The following NELL1 variants were observed in gnomAD, a reference collection of about 807,000 sequenced individuals.
NELL1 encodes protein kinase C-binding protein NELL1.
NELL1 carries 76 observed loss-of-function variants against 107.4 expected under a neutral mutation model. That is an observed-to-expected ratio of 0.71 (90% CI 0.59 to 0.86). NELL1 has a LOEUF of 0.86. Ranked by LOEUF, NELL1 falls within the 40% of genes least tolerant of loss-of-function variation. The pLI is 0.00. For missense variants in NELL1, 1,024 were observed against 1,005.5 expected (o/e 1.02, Z -0.25); for synonymous variants, 353 against 341.2 (o/e 1.03, Z -0.38).
chr11:21,314,283 T>C (rs78172717), intron 14 of NELL1, among the ~76,000 whole-genome samples: 103 of 152,146 alleles, frequency 6.8e-4, no homozygotes, highest in African/African-American at 2.4e-3. Context: ...TACTGTTACA[T>C]TGGGGATTAA....
At chr11:21,431,472 G>A (rs935964657) in intron 15 of NELL1, among the ~76,000 whole-genome samples, 2 of 152,084 alleles carry the variant, frequency 1.3e-5, no homozygotes, top group African/African-American at 2.4e-5. Flanking sequence ...CACTTTGTAG[G>A]AGCTCAATAA....
intron 14 of NELL1, among the ~76,000 whole-genome samples, chr11:21,287,670 T>C (rs1849154724): frequency 6.6e-6 from 1 of 152,228 alleles, no homozygotes; most frequent in South Asian, 2.1e-4. Context: ...CTTCATTAGA[T>C]GAATTTCTCC....
intron 16 of NELL1, among the ~76,000 whole-genome samples, chr11:21,552,647 G>C (rs559911335): frequency 6.6e-6 from 1 of 151,744 alleles, no homozygotes; most frequent in Non-Finnish European, 1.5e-5. Context: ...TCAAATTAGG[G>C]GGCAGCCCCA....
chr11:20,916,180 A>C (rs1850251829), intron 5 of NELL1, among the ~76,000 whole-genome samples: 1 of 151,924 alleles, frequency 6.6e-6, no homozygotes, highest in African/African-American at 2.4e-5. Flanking sequence ...AGCATTGGGA[A>C]GCTGTCAGCT....
chr11:21,424,694 G>C (rs1852776466), intron 15 of NELL1, among the ~76,000 whole-genome samples: 1 of 151,928 alleles, frequency 6.6e-6, no homozygotes, highest in Non-Finnish European at 1.5e-5. Context: ...TTGGTAATGA[G>C]GACAAAATGG....
At chr11:21,194,453 C>T (rs1002440326) in intron 13 of NELL1, among the ~76,000 whole-genome samples, 1 of 152,078 alleles carries the variant, frequency 6.6e-6, no homozygotes, top group Non-Finnish European at 1.5e-5. Flanking sequence ...CTGGACCCCC[C>T]CATAGAGATT....
At chr11:21,273,675 G>A (rs1848790396) in intron 14 of NELL1, among the ~76,000 whole-genome samples, 1 of 152,178 alleles carries the variant, frequency 6.6e-6, no homozygotes, top group African/African-American at 2.4e-5. Context: ...TACCCACAAA[G>A]GGAAACCCAT....
At chr11:21,075,516 A>C (rs1357243593) in intron 12 of NELL1, among the ~76,000 whole-genome samples, 1 of 152,140 alleles carries the variant, frequency 6.6e-6, no homozygotes, top group Admixed American at 6.6e-5. Flanking sequence ...CCCAGGCTGG[A>C]GTGCAGTGAT....
chr11:21,526,039 A>G (rs1401199090), intron 15 of NELL1, among the ~76,000 whole-genome samples: 1 of 152,222 alleles, frequency 6.6e-6, no homozygotes, highest in African/African-American at 2.4e-5. Context: ...TCTAAAGTCC[A>G]AAGTCTCATC....
intron 10 of NELL1, among the ~76,000 whole-genome samples, chr11:20,945,907 A>G (rs1168165786): frequency 3.9e-5 from 6 of 152,196 alleles, no homozygotes; most frequent in Non-Finnish European, 8.8e-5. Context: ...GATAGTCAGG[A>G]GAAAGTTAAG....
rs142892679 is a variant in NELL1 at position 21,071,991 on chromosome 11, C to T, written c.1301-41598C>T. 2.9e-3 allele frequency among the ~76,000 whole-genome samples: 435 copies of T among 152,132 alleles called. 1 individual carries two copies. Among genetic ancestry groups the T allele is most frequent in the African/African-American group, 9.6e-3 (398 of 41,514 alleles). ...TGCTGCCCAATTTGGTAGCAGAAGC[C>T]CATGAGAAGCAAAAATTTGGAAGCC... On this transcript the variant is annotated intron_variant, in intron 12 of 19. Transcript: ENST00000357134.
intron 12 of NELL1, among the ~76,000 whole-genome samples, chr11:21,062,370 T>C (rs1945316): frequency 0.011 from 1,700 of 152,322 alleles, 22 homozygotes; most frequent in African/African-American, 0.039. Flanking sequence ...TATATTTCTT[T>C]TGAGTAGTGC....
chr11:21,240,681 T>A (rs939672869), intron 14 of NELL1, among the ~76,000 whole-genome samples: 1 of 150,304 alleles, frequency 6.7e-6, no homozygotes, highest in African/African-American at 2.4e-5. Context: ...AATATATGGA[T>A]TGCGTTCTTT....
chr11:21,177,923 C>T (rs979127836), intron 13 of NELL1, among the ~76,000 whole-genome samples: 1 of 151,642 alleles, frequency 6.6e-6, no homozygotes, highest in African/African-American at 2.4e-5. Context: ...TTTTTTGAAA[C>T]ACTTCTATGC....
chr11:21,534,504 G>A lies in NELL1; in HGVS notation c.1776G>A (p.Glu592=). Residue 592 remains glutamate, a synonymous_variant, in exon 16 of 20, where the codon GAG becomes GAA. Coordinates refer to ENST00000357134, the MANE Select transcript of NELL1 (RefSeq NM_006157.5). ...HDDGTYSLSG[E]SCIDIDECAL... is the part of the protein sequence containing the mutation. ...ATGGGACCTATTCACTGTCCGGGGAGTCCTGTATTGGTAAGCAGCTTTCAG... is the reference window on the plus strand; with the variant it reads ...ATGGGACCTATTCACTGTCCGGGGAATCCTGTATTGGTAAGCAGCTTTCAG... The A allele has an allele frequency of 2.5e-6, 4 of 1,613,754 alleles. No individual in the cohort carries two copies. The highest frequency in any genetic ancestry group is 3.4e-6 in the Non-Finnish European group (4 of 1,179,772).
At chr11:21,357,672 T>A (rs1055116924) in intron 14 of NELL1, among the ~76,000 whole-genome samples, 6 of 152,210 alleles carry the variant, frequency 3.9e-5, no homozygotes, top group African/African-American at 1.4e-4. Flanking sequence ...TATTTATGTT[T>A]GTTATTGTTG....
chr11:20,680,646 T>C (rs1444456475), intron 2 of NELL1, among the ~76,000 whole-genome samples: 1 of 152,120 alleles, frequency 6.6e-6, no homozygotes, highest in Non-Finnish European at 1.5e-5. Context: ...AATTCAGCAG[T>C]GCAAACTCCG....
chr11:21,527,326 C>A (rs1855880681), intron 15 of NELL1, among the ~76,000 whole-genome samples: 1 of 152,138 alleles, frequency 6.6e-6, no homozygotes, highest in Admixed American at 6.5e-5. Flanking sequence ...TTCAAACTTT[C>A]CCGTATCTTC....
At chr11:20,891,026 T>C (rs1849606353) in intron 5 of NELL1, among the ~76,000 whole-genome samples, 1 of 151,956 alleles carries the variant, frequency 6.6e-6, no homozygotes, top group Non-Finnish European at 1.5e-5. Context: ...TAAGATACTC[T>C]ACGAGAAGAT....
Sources: allele counts gnomAD v4.1 joint callset (sites outside exome capture counted in the v4.1 genomes callset), GRCh38; gene constraint gnomAD v4.1.1; transcripts MANE v1.5; gene names NCBI Gene and HGNC (gene_info 2026-07-23, HGNC 2026-07-21).